Variants in RALGAPA1 observed in about 807,000 individuals in gnomAD.
RALGAPA1 encodes the protein ral GTPase-activating protein subunit alpha-1.
Under a neutral mutation model 269.6 loss-of-function variants are expected in RALGAPA1, and 52 were observed. The ratio of observed to expected loss-of-function variants is 0.19; its 90% confidence interval spans 0.15 to 0.24. RALGAPA1 has a LOEUF of 0.24. Among genes scored for constraint, RALGAPA1 ranks in the 10% least tolerant of loss-of-function variants. The pLI, the probability that RALGAPA1 is intolerant of heterozygous loss-of-function variation, is 1.00. For missense variants in RALGAPA1, 1,917 were observed against 3,013.9 expected (o/e 0.64, Z 8.52); for synonymous variants, 817 against 1,008.3 (o/e 0.81, Z 3.60).
At chr14:35,805,940 G>T (rs1394757423) in intron 1 of RALGAPA1, among the ~76,000 whole-genome samples, 1 of 151,790 alleles carries the variant, frequency 6.6e-6, no homozygotes, top group Admixed American at 6.6e-5. Flanking sequence ...CGCCCACCTC[G>T]GCCTCCCCAA....
chr14:35,765,980 T>C (rs761282825), intron 4 of RALGAPA1: 11 of 1,400,716 alleles, frequency 7.9e-6, no homozygotes, highest in Admixed American at 3.4e-5. Context: ...CAAAACAATA[T>C]AGAGAAAAGA....
rs199837239 is a variant in RALGAPA1 at position 35,674,141 on chromosome 14, T to C, written c.4917+39A>G. On this transcript the variant is annotated intron_variant, in intron 24 of 41. Coordinates refer to ENST00000680220, the MANE Select transcript of RALGAPA1 (RefSeq NM_001346249.2). ...TATAAAAAGTTTAAGATTTAGTAAA[T>C]GAGAAGTTTTAAACTAATATTTTAT... 1.1e-5 allele frequency: 16 copies of C among 1,437,454 alleles called. No homozygotes were observed. In the Admixed American group the frequency reaches 1.6e-4, roughly 14 times the overall value. 89.0% of individuals were successfully genotyped at this position (1,437,454 alleles called of 1,614,324 possible). A position where few individuals can be genotyped will look rare whatever the true frequency, so the allele number is the denominator to read the frequency against.
chr14:35,751,931 A>T lies in RALGAPA1; in HGVS notation c.802+93T>A, dbSNP rs985813966. The T allele has an allele frequency of 2.8e-5, 42 of 1,481,912 alleles. 1 individual carries two copies. In the South Asian group the frequency reaches 5.4e-4, roughly 19 times the overall value. 91.8% of individuals were successfully genotyped at this position (1,481,912 alleles called of 1,614,324 possible). A position where few individuals can be genotyped will look rare whatever the true frequency, so the allele number is the denominator to read the frequency against. On this transcript the variant is annotated intron_variant, in intron 8 of 41. Transcript: ENST00000680220. ...CCAACCAATACAAGTATTAAATATG[A>T]TCAGTTTCCTGCAGTAACAAATGCC...
chr14:35,699,525 A>C (rs1019240604), intron 17 of RALGAPA1, among the ~76,000 whole-genome samples: 1 of 152,192 alleles, frequency 6.6e-6, no homozygotes, highest in Admixed American at 6.5e-5. Context: ...CAACGACCTG[A>C]GGCAGAACTG....
intron 6 of RALGAPA1, among the ~76,000 whole-genome samples, chr14:35,759,588 G>T (rs1303104229): frequency 7.6e-6 from 1 of 131,734 alleles, no homozygotes; most frequent in African/African-American, 3.0e-5. Flanking sequence ...GAGAATTAAA[G>T]AAGTAAAAAA....
chr14:35,665,714 C>A (rs1023392742), intron 26 of RALGAPA1, among the ~76,000 whole-genome samples: 2 of 152,092 alleles, frequency 1.3e-5, no homozygotes, highest in South Asian at 4.2e-4. Flanking sequence ...ATCTACCGTT[C>A]CAATTTAAAA....
chr14:35,756,118 A>C (rs2073145430), intron 7 of RALGAPA1, among the ~76,000 whole-genome samples: 1 of 152,226 alleles, frequency 6.6e-6, no homozygotes, highest in Non-Finnish European at 1.5e-5. Context: ...TTTTCATTTG[A>C]AGTATCACAA....
At chr14:35,734,049 C>T (rs1244386029) in intron 12 of RALGAPA1, among the ~76,000 whole-genome samples, 2 of 151,992 alleles carry the variant, frequency 1.3e-5, no homozygotes, top group Non-Finnish European at 2.9e-5. Context: ...TGAAAGAAAT[C>T]GCAGATGACA....
chr14:35,658,424 G>A (rs1010616650), intron 28 of RALGAPA1, among the ~76,000 whole-genome samples: 3 of 152,088 alleles, frequency 2.0e-5, no homozygotes, highest in African/African-American at 7.2e-5. Flanking sequence ...TGGAAAACAG[G>A]AGCTTTGCAG....
At chr14:35,580,559 T>C (rs1400769277) in intron 37 of RALGAPA1, among the ~76,000 whole-genome samples, 1 of 152,162 alleles carries the variant, frequency 6.6e-6, no homozygotes, top group Non-Finnish European at 1.5e-5. Context: ...AGAAGTATAG[T>C]CTATGTTGTA....
chr14:35,734,605 A>G (rs1247641096), intron 12 of RALGAPA1, among the ~76,000 whole-genome samples: 3 of 152,230 alleles, frequency 2.0e-5, no homozygotes, highest in Non-Finnish European at 2.9e-5. Context: ...AAAATTCTAG[A>G]AGATAACATT....
chr14:35,751,816 A>AC (rs2072731999), intron 8 of RALGAPA1, among the ~76,000 whole-genome samples: 1 of 151,170 alleles, frequency 6.6e-6, no homozygotes, highest in Non-Finnish European at 1.5e-5. Flanking sequence ...CAACAACAAA[A>AC]AAAAACAAAA....
intron 29 of RALGAPA1, among the ~76,000 whole-genome samples, chr14:35,655,566 T>G (rs1015962212): frequency 2.6e-5 from 4 of 152,032 alleles, no homozygotes; most frequent in Non-Finnish European, 5.9e-5. Flanking sequence ...GTCTACCATA[T>G]ATAGTTTAGG....
chr14:35,785,704 C>G (rs923031190), intron 1 of RALGAPA1, among the ~76,000 whole-genome samples: 1 of 152,090 alleles, frequency 6.6e-6, no homozygotes, highest in Non-Finnish European at 1.5e-5. Flanking sequence ...TGGTCTACAC[C>G]CCATTTCATA....
intron 39 of RALGAPA1, among the ~76,000 whole-genome samples, chr14:35,552,819 G>A (rs1260978088): frequency 6.6e-6 from 1 of 151,780 alleles, no homozygotes; most frequent in African/African-American, 2.4e-5. Flanking sequence ...AAGGGGGGAA[G>A]GAATATTATT....
intron 27 of RALGAPA1, among the ~76,000 whole-genome samples, chr14:35,663,300 T>C (rs79157219): frequency 1.5e-3 from 229 of 152,192 alleles, no homozygotes; most frequent in African/African-American, 5.2e-3. Flanking sequence ...AAGTCAGACA[T>C]TGAACACGTA....
intron 31 of RALGAPA1, among the ~76,000 whole-genome samples, chr14:35,637,910 A>G (rs2061762200): frequency 6.6e-6 from 1 of 152,228 alleles, no homozygotes; most frequent in South Asian, 2.1e-4. Flanking sequence ...AGAGAATGGC[A>G]TGACATATTT....
intron 30 of RALGAPA1, 53 bp from the exon 31 acceptor site, chr14:35,651,926 T>A: frequency 7.0e-7 from 1 of 1,436,730 alleles, no homozygotes; most frequent in Non-Finnish European, 9.5e-7. Context: ...AAATTAATGG[T>A]ACATCCTAAA....
chr14:35,684,084 G>T, intron 20 of RALGAPA1, 99 bp from the exon 21 acceptor site: 1 of 848,926 alleles, frequency 1.2e-6, no homozygotes, highest in Non-Finnish European at 1.8e-6. Flanking sequence ...AACATTCCCC[G>T]TACATCTATT....
Sources: gnomAD v4.1 joint callset for allele counts (sites outside exome capture counted in the v4.1 genomes callset) on GRCh38, gnomAD v4.1.1 for gene constraint, MANE v1.5 for transcripts, NCBI Gene and HGNC (gene_info 2026-07-23, HGNC 2026-07-21) for gene names.